Variants in EXOC4 observed in about 807,000 individuals in gnomAD.
The protein encoded by EXOC4 is exocyst complex component 4.
EXOC4 carries 71 observed loss-of-function variants against 107.2 expected under a neutral mutation model. The ratio of observed to expected loss-of-function variants is 0.66; its 90% CI spans 0.55 to 0.81. The LOEUF is 0.81. Ranked by LOEUF, EXOC4 falls within the 30% of genes least tolerant of loss-of-function variation. EXOC4 has a pLI of 0.00. For missense variants in EXOC4, 1,108 were observed against 1,189.6 expected (o/e 0.93, Z 1.01); for synonymous variants, 456 against 441.2 (o/e 1.03, Z -0.42).
intron 7 of EXOC4, among the ~76,000 whole-genome samples, chr7:133,423,969 A>C (rs1000292645): frequency 4.6e-5 from 7 of 152,130 alleles, no homozygotes; most frequent in Non-Finnish European, 1.0e-4. Context: ...GGCTTCTGGG[A>C]CAGGTGGGGA....
chr7:133,824,494 C>G (rs2151228477), intron 11 of EXOC4, among the ~76,000 whole-genome samples: 1 of 152,296 alleles, frequency 6.6e-6, no homozygotes, highest in African/African-American at 2.4e-5. Flanking sequence ...CTGCTTTCTC[C>G]TTTTCCTGGA....
chr7:133,372,765 T>A (rs1796405777), intron 6 of EXOC4, among the ~76,000 whole-genome samples: 1 of 152,238 alleles, frequency 6.6e-6, no homozygotes, highest in South Asian at 2.1e-4. Context: ...CCAGTGTGCC[T>A]CAGGCATCTG....
rs375289453 is a variant in EXOC4 at position 133,369,897 on chromosome 7, C to G, written c.1008-4931C>G. On this transcript the variant is annotated intron_variant, in intron 6 of 17. Transcript: ENST00000253861. ...TTTGGCTCACCCAACCTTTGCCTGC[C>G]GGGTTCAAGCGATTCTTCTGCCTCA... 1.5e-4 allele frequency among the ~76,000 whole-genome samples: 21 copies of G among 144,312 alleles called. No individual in the cohort carries two copies. In the East Asian group the frequency reaches 4.2e-3, roughly 29 times the overall value. The allele number at this position is 144,312 out of a possible 152,430, so 94.7% of individuals were successfully genotyped here.
intron 9 of EXOC4, among the ~76,000 whole-genome samples, chr7:133,518,623 A>G (rs1405314340): frequency 6.6e-6 from 1 of 152,216 alleles, no homozygotes; most frequent in Non-Finnish European, 1.5e-5. Flanking sequence ...TGGAAAAATA[A>G]AATGTAGTGT....
intron 11 of EXOC4, among the ~76,000 whole-genome samples, chr7:133,863,533 T>A (rs921685872): frequency 3.3e-5 from 5 of 152,118 alleles, no homozygotes; most frequent in African/African-American, 1.2e-4. Flanking sequence ...GGGATTACCT[T>A]TGGACAGGGA....
intron 17 of EXOC4, among the ~76,000 whole-genome samples, chr7:134,024,128 G>GA (rs1795083842): frequency 6.6e-6 from 1 of 152,174 alleles, no homozygotes; most frequent in Non-Finnish European, 1.5e-5. Flanking sequence ...GTACCACAGT[G>GA]ACTGATGAAA....
intron 11 of EXOC4, among the ~76,000 whole-genome samples, chr7:133,850,189 C>G (rs1316431422): frequency 6.6e-6 from 1 of 152,126 alleles, no homozygotes; most frequent in African/African-American, 2.4e-5. Flanking sequence ...GGTACTGTAT[C>G]TTTTCCACAT....
chr7:133,941,503 G>A (rs1216997463), intron 14 of EXOC4, among the ~76,000 whole-genome samples: 2 of 152,046 alleles, frequency 1.3e-5, no homozygotes, highest in African/African-American at 4.8e-5. Flanking sequence ...CTCTTTTAGT[G>A]TTTGCCTAAA....
intron 10 of EXOC4, among the ~76,000 whole-genome samples, chr7:133,813,290 A>T (rs553740619): frequency 7.2e-5 from 11 of 152,320 alleles, no homozygotes; most frequent in African/African-American, 2.4e-4. Flanking sequence ...TCTTCTGCCC[A>T]TCTGTTTATG....
At chr7:133,965,092 T>C (rs565728725) in intron 14 of EXOC4, among the ~76,000 whole-genome samples, 14 of 152,208 alleles carry the variant, frequency 9.2e-5, no homozygotes, top group Non-Finnish European at 1.9e-4. Flanking sequence ...GATGATGAGC[T>C]TTTTTTCATC....
At chr7:133,255,724 A>G (rs1237676167) in intron 1 of EXOC4, among the ~76,000 whole-genome samples, 1 of 152,164 alleles carries the variant, frequency 6.6e-6, no homozygotes, top group African/African-American at 2.4e-5. Flanking sequence ...ACTTCCTGTT[A>G]TTTCCTTCCT....
intron 10 of EXOC4, among the ~76,000 whole-genome samples, chr7:133,766,176 C>G (rs932491120): frequency 6.6e-6 from 1 of 151,716 alleles, no homozygotes; most frequent in African/African-American, 2.4e-5. Flanking sequence ...AGTTTCTGTG[C>G]TTATGAAAAA....
rs145378264 is a variant in EXOC4, at chr7:133,925,916, G to A, written c.2027+8178G>A. 2.3e-3 allele frequency among the ~76,000 whole-genome samples: 355 copies of A among 151,986 alleles called. 5 individuals are homozygous for A. The highest frequency in any genetic ancestry group is 8.0e-3 in the African/African-American group (331 of 41,450). ...TAGCTGGGCATGGTTATACGTGCCT[G>A]TAATCCCAGCTACTCAGGAGGCTGA... On this transcript the variant is annotated intron_variant, in intron 13 of 17. Transcript: ENST00000253861.
chr7:133,547,901 C>T (rs972745800), intron 9 of EXOC4, among the ~76,000 whole-genome samples: 2 of 152,092 alleles, frequency 1.3e-5, no homozygotes, highest in African/African-American at 4.8e-5. Flanking sequence ...GACCTCTTTC[C>T]ATAAACCAGA....
At chr7:133,597,394 A>C (rs1189532725) in intron 9 of EXOC4, among the ~76,000 whole-genome samples, 5 of 152,048 alleles carry the variant, frequency 3.3e-5, no homozygotes, top group Non-Finnish European at 5.9e-5. Flanking sequence ...GTCTCTACTA[A>C]AAATACAAAA....
At chr7:133,366,035 A>G (rs1289549143) in intron 6 of EXOC4, among the ~76,000 whole-genome samples, 1 of 152,192 alleles carries the variant, frequency 6.6e-6, no homozygotes, top group African/African-American at 2.4e-5. Context: ...TAATTCTTCT[A>G]TCTTGTGTGT....
In EXOC4 at chr7:133,547,122, C is replaced by T. The variant is rs1250752562; in HGVS notation, c.1417+66984C>T. Reference sequence around the variant, plus strand: ...ATATAGGCATATGTTGGAGGTATTCCAGGTTCAGTTCCAGACCACCAGAAT... The same window carrying T: ...ATATAGGCATATGTTGGAGGTATTCTAGGTTCAGTTCCAGACCACCAGAAT... On this transcript the variant is annotated intron_variant, in intron 9 of 17. Coordinates refer to ENST00000253861, the MANE Select transcript of EXOC4 (RefSeq NM_021807.4). Among the ~76,000 whole-genome samples, 5 of 152,036 alleles carry T rather than the reference C, an allele frequency of 3.3e-5. No individual in the cohort carries two copies. The East Asian group carries it at 9.7e-4, about 29-fold the overall frequency.
chr7:133,842,516 G>A (rs1056750176), intron 11 of EXOC4, among the ~76,000 whole-genome samples: 6 of 152,104 alleles, frequency 3.9e-5, no homozygotes, highest in African/African-American at 1.4e-4. Context: ...TTGTAAATTT[G>A]TTTCAGTTCC....
intron 9 of EXOC4, among the ~76,000 whole-genome samples, chr7:133,583,944 G>A (rs905072547): frequency 1.3e-5 from 2 of 152,164 alleles, no homozygotes; most frequent in Non-Finnish European, 2.9e-5. Context: ...TAGAGATAAC[G>A]AACTGTGGCT....
Sources: gnomAD v4.1 joint callset for allele counts (sites outside exome capture counted in the v4.1 genomes callset) on GRCh38, gnomAD v4.1.1 for gene constraint, MANE v1.5 for transcripts, NCBI Gene and HGNC (gene_info 2026-07-23, HGNC 2026-07-21) for gene names.